Variants in SRSF6 observed in about 807,000 individuals in gnomAD.
SRSF6 encodes the protein serine and arginine rich splicing factor 6.
In SRSF6, 17 loss-of-function variants were observed where a neutral mutation model predicts 42.0. The observed-to-expected ratio is 0.40, with a 90% confidence interval of 0.28 to 0.61. The LOEUF is 0.61. Among genes scored for constraint, SRSF6 ranks in the 20% least tolerant of loss-of-function variants. The probability of loss-of-function intolerance (pLI) is 0.37; values close to 1 mark genes in which losing one functional copy is unlikely to be tolerated. For missense variants in SRSF6, 379 were observed against 471.4 expected, an observed-to-expected ratio of 0.80 and a Z score of 1.81; for synonymous variants, 204 against 166.7, an observed-to-expected ratio of 1.22 and a Z score of -1.72.
In SRSF6 at chr20:43,457,959, C is replaced by A. The variant is rs1318863651; in HGVS notation, c.-75C>A. Reference sequence around the variant, plus strand: ...CGCGTGTTCGGGCTCTTGCCGTCCCCGCACCCGCACCGCGGTTACTGGCTT... The same window carrying A: ...CGCGTGTTCGGGCTCTTGCCGTCCCAGCACCCGCACCGCGGTTACTGGCTT... On this transcript the variant is annotated 5_prime_UTR_variant, in exon 1 of 6. Coordinates refer to ENST00000244020, the MANE Select transcript of SRSF6 (RefSeq NM_006275.6). 2.3e-6 allele frequency: 3 copies of A among 1,294,260 alleles called. No homozygotes were observed. Among genetic ancestry groups the A allele is most frequent in the Non-Finnish European group, 3.3e-6 (3 of 912,886 alleles). 80.2% of individuals were successfully genotyped at this position (1,294,260 alleles called of 1,614,324 possible).
chr20:43,458,287 G>C (rs1317171771), intron 1 of SRSF6, 74 bp from the exon 2 acceptor site: 4 of 1,408,554 alleles, frequency 2.8e-6, no homozygotes, highest in African/African-American at 1.5e-5. Flanking sequence ...CGCGCGGTGG[G>C]GTACGGGCGC....
At position 43,461,139 on chromosome 20, in the gene SRSF6, G is replaced by A. The variant is rs1402446440; in HGVS notation, c.*76G>A. 3.4e-6 allele frequency: 5 copies of A among 1,469,638 alleles called. No individual in the cohort carries two copies. Among genetic ancestry groups the A allele is most frequent in the Non-Finnish European group, 4.5e-6 (5 of 1,113,164 alleles). The allele number at this position is 1,469,638 out of a possible 1,614,324, so 91.0% of individuals were successfully genotyped here. On this transcript the variant is annotated 3_prime_UTR_variant, in exon 6 of 6. Coordinates refer to ENST00000244020, the MANE Select transcript of SRSF6 (RefSeq NM_006275.6). ...AGTTACTCTTCCATGTTTATACTTG[G>A]CCTCTTCTGCAAGAGGAATCTCTTG...
Position 43,458,257 on chromosome 20 carries a change from ACGGCGCGG to A in SRSF6, c.108-101_108-94del, listed in dbSNP as rs968681331. The A allele has an allele frequency of 2.7e-5, 38 of 1,401,976 alleles. 1 individual carries two copies. The highest frequency in any genetic ancestry group is 2.0e-4 in the Middle Eastern group (1 of 4,890). 86.8% of individuals were successfully genotyped at this position (1,401,976 alleles called of 1,614,324 possible). ...GCGTGGCAGGGCCTCAAAGATGGCG[ACGGCGCGG>A]CGTCGCGGGGGCGCGCGGTGGGGTA... On this transcript the variant is annotated intron_variant, in intron 1 of 5. Coordinates refer to ENST00000244020, the MANE Select transcript of SRSF6 (RefSeq NM_006275.6).
rs2017603886 is a variant in SRSF6, at chr20:43,461,725, C to T, written c.*662C>T. 6.6e-6 allele frequency: 1 copy of T among 152,590 alleles called. No individual in the cohort carries two copies. Among genetic ancestry groups the T allele is most frequent in the Non-Finnish European group, 1.5e-5 (1 of 68,030 alleles). 9.5% of individuals were successfully genotyped at this position (152,590 alleles called of 1,614,324 possible). A position where few individuals can be genotyped will look rare whatever the true frequency, so the allele number is the denominator to read the frequency against. ...TGCAGTTAATCAAATTTGCCAAAGT[C>T]TTTATCTGCCCCTTTAACAAGTTGA... On this transcript the variant is annotated 3_prime_UTR_variant, in exon 6 of 6. Transcript: ENST00000244020.
intron 1 of SRSF6, 95 bp from the exon 2 acceptor site, chr20:43,458,266 C>T: frequency 1.4e-6 from 2 of 1,395,314 alleles, no homozygotes; most frequent in Non-Finnish European, 9.3e-7. Flanking sequence ...GACGGCGCGG[C>T]GTCGCGGGGG....
At chr20:43,458,636 C>T in intron 2 of SRSF6, 127 bp downstream of exon 2, 5 of 994,446 alleles carry the variant, frequency 5.0e-6, no homozygotes, top group Non-Finnish European at 6.9e-6. Context: ...CCCCGAGCCC[C>T]GCTGCCTTCA....
chr20:43,463,326 G>GT lies in SRSF6; in HGVS notation c.*2266dup, dbSNP rs769665919. The GT allele has an allele frequency of 1.3e-5, 2 of 154,830 alleles. No homozygotes were observed. Among genetic ancestry groups the GT allele is most frequent in the East Asian group, 3.8e-4 (2 of 5,202 alleles). The allele number at this position is 154,830 out of a possible 1,614,324, so 9.6% of individuals were successfully genotyped here. ...TGAGCATAGGGTTGACTGATAAAAT[G>GT]TTTAATTCCCTTGCTAGCTTGTGAG... On this transcript the variant is annotated 3_prime_UTR_variant, in exon 6 of 6. Transcript: ENST00000244020.
intron 2 of SRSF6, among the ~76,000 whole-genome samples, chr20:43,458,713 A>G (rs1399006543): frequency 5.5e-4 from 84 of 152,136 alleles, no homozygotes; most frequent in Non-Finnish European, 8.8e-5. Flanking sequence ...GGTTTTGTTT[A>G]TTTGCCAAGT....
Position 43,457,994 on chromosome 20 carries a change from C to T in SRSF6, c.-40C>T, listed in dbSNP as rs369618846. 2.0e-5 allele frequency: 31 copies of T among 1,549,728 alleles called. No homozygotes were observed. Among genetic ancestry groups the T allele is most frequent in the African/African-American group, 2.7e-5 (2 of 72,844 alleles). On this transcript the variant is annotated 5_prime_UTR_variant, in exon 1 of 6. Transcript: ENST00000244020. ...CCGCGGTTACTGGCTTGCGGTCCGC[C>T]GTTCGACAACCAGCCCTTGGGTCCC...
chr20:43,460,413 G>GTGTATTAAATTTAA, intron 4 of SRSF6, 102 bp from the exon 5 acceptor site: 3 of 1,407,158 alleles, frequency 2.1e-6, no homozygotes, highest in Non-Finnish European at 3.0e-6. Flanking sequence ...TAATTTCGTA[G>GTGTATTAAATTTAA]TAAAGAAAAA....
chr20:43,458,271 CG>C, intron 1 of SRSF6, 89 bp from the exon 2 acceptor site: 2 of 1,396,658 alleles, frequency 1.4e-6, no homozygotes, highest in East Asian at 5.9e-5. Flanking sequence ...CGCGGCGTCG[CG>C]GGGGCGCGCG....
Position 43,462,823 on chromosome 20 carries a change from A to G in SRSF6, c.*1760A>G, listed in dbSNP as rs1479134044. On this transcript the variant is annotated 3_prime_UTR_variant, in exon 6 of 6. Transcript: ENST00000244020. Reference sequence around the variant, plus strand: ...CTTATTTTCTTTGATACTTTATTTAATTAGATGTTTATAAAGAAATGGGTT... The same window carrying G: ...CTTATTTTCTTTGATACTTTATTTAGTTAGATGTTTATAAAGAAATGGGTT... 6.6e-6 allele frequency: 1 copy of G among 152,634 alleles called. No individual in the cohort carries two copies. The highest frequency in any genetic ancestry group is 1.5e-5 in the Non-Finnish European group (1 of 68,040). The allele number at this position is 152,634 out of a possible 1,614,324, so 9.5% of individuals were successfully genotyped here. A position where few individuals can be genotyped will look rare whatever the true frequency, so the allele number is the denominator to read the frequency against.
Position 43,461,337 on chromosome 20 carries a change from G to GTTTTTTTGTTTTTTTTTT in SRSF6, c.*281_*282insGTTTTTTTTTTTTTTTTT, listed in dbSNP as rs2017589818. 9.1e-5 allele frequency: 4 copies of GTTTTTTTGTTTTTTTTTT among 43,828 alleles called. No homozygotes were observed. The highest frequency in any genetic ancestry group is 3.3e-4 in the African/African-American group (4 of 12,240). 2.7% of individuals were successfully genotyped at this position (43,828 alleles called of 1,614,324 possible). A position where few individuals can be genotyped will look rare whatever the true frequency, so the allele number is the denominator to read the frequency against. ...GTAAAGATTAAGCTCATTTAGTGTT[G>GTTTTTTTGTTTTTTTTTT]TTTTTTTTTTTTTTTTTTTTTTTTT... On this transcript the variant is annotated 3_prime_UTR_variant, in exon 6 of 6. Transcript: ENST00000244020.
At position 43,461,166 on chromosome 20, in the gene SRSF6, A is replaced by G; in HGVS notation, c.*103A>G. ...CTCTTCTGCAAGAGGAATCTCTTGA[A>G]AACAGGGGCACACAGAAATTTGATT... On this transcript the variant is annotated 3_prime_UTR_variant, in exon 6 of 6. Transcript: ENST00000244020. The G allele has an allele frequency of 7.0e-7, 1 of 1,424,382 alleles. No individual in the cohort carries two copies. The highest frequency in any genetic ancestry group is 9.2e-7 in the Non-Finnish European group (1 of 1,090,930). 88.2% of individuals were successfully genotyped at this position (1,424,382 alleles called of 1,614,324 possible).
intron 3 of SRSF6, 48 bp from the exon 4 acceptor site, chr20:43,459,985 T>G: frequency 1.2e-6 from 2 of 1,612,268 alleles, no homozygotes; most frequent in Non-Finnish European, 1.7e-6. Flanking sequence ...TTTATTATGG[T>G]ATATAGATGT....
chr20:43,461,636 T>G lies in SRSF6; in HGVS notation c.*573T>G, dbSNP rs1335468063. ...TTGTGGAAACAACGTAAATTCTACT[T>G]AAGTGTAAACAAGGCAAGCCTCAGA... On this transcript the variant is annotated 3_prime_UTR_variant, in exon 6 of 6. Coordinates refer to ENST00000244020, the MANE Select transcript of SRSF6 (RefSeq NM_006275.6). 1.3e-5 allele frequency: 2 copies of G among 152,598 alleles called. No homozygotes were observed. Among genetic ancestry groups the G allele is most frequent in the Admixed American group, 6.5e-5 (1 of 15,278 alleles). The allele number at this position is 152,598 out of a possible 1,614,324, so 9.5% of individuals were successfully genotyped here.
chr20:43,459,743 A>T lies in SRSF6; in HGVS notation c.257-28A>T, dbSNP rs562962669. On this transcript the variant is annotated intron_variant, in intron 2 of 5. Coordinates refer to ENST00000244020, the MANE Select transcript of SRSF6 (RefSeq NM_006275.6). Reference sequence around the variant, plus strand: ...TTATGCGTTTTTATCATTACAAGGCATCTAATTGTTCCCTTCATGTGATAA... The same window carrying T: ...TTATGCGTTTTTATCATTACAAGGCTTCTAATTGTTCCCTTCATGTGATAA... The T allele has an allele frequency of 3.3e-4, 535 of 1,612,360 alleles. 5 individuals are homozygous for T. In the South Asian group the frequency reaches 5.5e-3, roughly 17 times the overall value.
rs1196378267 is a variant in SRSF6, at chr20:43,461,334, G to GTTTTTTTTTTTTTTTTTTTTTTTTTT, written c.*273_*274insTTTTTTTTTTTTTTTTTTTTTTTTTT. The GTTTTTTTTTTTTTTTTTTTTTTTTTT allele has an allele frequency of 1.2e-4, 7 of 56,458 alleles. 1 individual carries two copies. Among genetic ancestry groups the GTTTTTTTTTTTTTTTTTTTTTTTTTT allele is most frequent in the African/African-American group, 4.4e-4 (6 of 13,540 alleles). 3.5% of individuals were successfully genotyped at this position (56,458 alleles called of 1,614,324 possible). A position where few individuals can be genotyped will look rare whatever the true frequency, so the allele number is the denominator to read the frequency against. On this transcript the variant is annotated 3_prime_UTR_variant, in exon 6 of 6. Coordinates refer to ENST00000244020, the MANE Select transcript of SRSF6 (RefSeq NM_006275.6). ...TTTGTAAAGATTAAGCTCATTTAGT[G>GTTTTTTTTTTTTTTTTTTTTTTTTTT]TTGTTTTTTTTTTTTTTTTTTTTTT...
chr20:43,463,855 G>A lies in SRSF6; in HGVS notation c.*2792G>A, dbSNP rs1365740802. 1 of 152,206 alleles carries A rather than the reference G, an allele frequency of 6.6e-6. No homozygotes were observed. The highest frequency in any genetic ancestry group is 6.5e-5 in the Admixed American group (1 of 15,280). 9.4% of individuals were successfully genotyped at this position (152,206 alleles called of 1,614,324 possible). A position where few individuals can be genotyped will look rare whatever the true frequency, so the allele number is the denominator to read the frequency against. ...CATGCATGGGATGTGAAGATTAAAAGTCAAGAATATGAACAGTACAAGAGA... is the reference window on the plus strand; with the variant it reads ...CATGCATGGGATGTGAAGATTAAAAATCAAGAATATGAACAGTACAAGAGA... On this transcript the variant is annotated 3_prime_UTR_variant, in exon 6 of 6. Transcript: ENST00000244020.
Sources: allele counts gnomAD v4.1 joint callset (sites outside exome capture counted in the v4.1 genomes callset), GRCh38; gene constraint gnomAD v4.1.1; transcripts MANE v1.5; gene names NCBI Gene and HGNC (gene_info 2026-07-23, HGNC 2026-07-21).